EXOC6B: variants seen among roughly 807,000 people sequenced by gnomAD.
EXOC6B encodes the protein exocyst complex component 6B.
EXOC6B carries 54 observed loss-of-function variants against 113.5 expected under a neutral mutation model. That is an observed-to-expected ratio of 0.48 (90% CI 0.38 to 0.60). The LOEUF is 0.60. EXOC6B is among the 20% of genes least tolerant of loss of function. The pLI, the probability that EXOC6B is intolerant of heterozygous loss-of-function variation, is 0.00. For missense variants in EXOC6B, 797 were observed against 977.5 expected (o/e 0.82, Z 2.46); for synonymous variants, 357 against 339.0 (o/e 1.05, Z -0.58).
At chr2:72,501,221 AC>A (rs1466327103) in intron 11 of EXOC6B, among the ~76,000 whole-genome samples, 2 of 152,320 alleles carry the variant, frequency 1.3e-5, no homozygotes, top group African/African-American at 4.8e-5. Flanking sequence ...CAAAGGTAGC[AC>A]CTAGTGGGAG....
At chr2:72,710,016 T>C (rs1267064367) in intron 6 of EXOC6B, among the ~76,000 whole-genome samples, 2 of 152,178 alleles carry the variant, frequency 1.3e-5, no homozygotes, top group Non-Finnish European at 2.9e-5. Context: ...TAGTTGCAAT[T>C]GTTCAATAAG....
intron 20 of EXOC6B, among the ~76,000 whole-genome samples, chr2:72,259,766 T>C (rs76419424): frequency 1.2e-4 from 18 of 152,212 alleles, no homozygotes; most frequent in African/African-American, 4.3e-4. Flanking sequence ...AGTGTAGCAG[T>C]GCGGCCAGGC....
chr2:72,590,734 A>C lies in EXOC6B; in HGVS notation c.670-15066T>G, dbSNP rs551279694. Among the ~76,000 whole-genome samples, 9 of 152,194 alleles carry C rather than the reference A, an allele frequency of 5.9e-5. No individual in the cohort carries two copies. In the East Asian group the frequency reaches 1.5e-3, roughly 26 times the overall value. ...TATATTTTTATGGACCACACTAGAC[A>C]GGTATGATCAGTATCATTACAGGGA... On this transcript the variant is annotated intron_variant, in intron 6 of 21. Transcript: ENST00000272427.
At position 72,401,712 on chromosome 2, in the gene EXOC6B, C is replaced by T. The variant is rs1159776512; in HGVS notation, c.1981-21842G>A. Among the ~76,000 whole-genome samples, 8 of 119,406 alleles carry T rather than the reference C, an allele frequency of 6.7e-5. No homozygotes were observed. In the South Asian group the frequency reaches 2.2e-3, roughly 33 times the overall value. The allele number at this position is 119,406 out of a possible 152,430, so 78.3% of individuals were successfully genotyped here. On this transcript the variant is annotated intron_variant, in intron 18 of 21. Coordinates refer to ENST00000272427, the MANE Select transcript of EXOC6B (RefSeq NM_015189.3). ...GAAAAAGAATGAAATCATGTCTTTT[C>T]CAGCAACATGGATGGAACTAGGGTC...
intron 18 of EXOC6B, among the ~76,000 whole-genome samples, chr2:72,401,606 TA>T (rs1693281181): frequency 4.4e-5 from 1 of 22,694 alleles, no homozygotes; most frequent in Non-Finnish European, 7.1e-5. Context: ...TATATATGTG[TA>T]TATATATATA....
intron 19 of EXOC6B, 117 bp downstream of exon 19, chr2:72,379,612 T>C: frequency 1.1e-6 from 1 of 939,562 alleles, no homozygotes; most frequent in Non-Finnish European, 1.5e-6. Flanking sequence ...CTCTGTTATC[T>C]AGGTATTCTT....
At chr2:72,449,266 T>C (rs1696770397) in intron 18 of EXOC6B, among the ~76,000 whole-genome samples, 1 of 151,964 alleles carries the variant, frequency 6.6e-6, no homozygotes, top group Admixed American at 6.6e-5. Context: ...CGCTGCAAGC[T>C]CTGCCTCCTG....
chr2:72,756,929 G>C (rs1313671512), intron 1 of EXOC6B, among the ~76,000 whole-genome samples: 1 of 152,106 alleles, frequency 6.6e-6, no homozygotes, highest in Non-Finnish European at 1.5e-5. Flanking sequence ...TCAATATAAA[G>C]ATAAATATGT....
chr2:72,599,926 G>T (rs903771531), intron 6 of EXOC6B, among the ~76,000 whole-genome samples: 4 of 151,662 alleles, frequency 2.6e-5, no homozygotes, highest in Non-Finnish European at 5.9e-5. Context: ...GGTATTCCAT[G>T]TTCATTAATA....
chr2:72,336,980 C>A (rs1688728213), intron 19 of EXOC6B, among the ~76,000 whole-genome samples: 2 of 147,070 alleles, frequency 1.4e-5, no homozygotes, highest in Admixed American at 1.4e-4. Context: ...GCACTCCAGC[C>A]TGGGCAACAA....
chr2:72,732,233 CA>C (rs1157369974), intron 3 of EXOC6B, among the ~76,000 whole-genome samples: 2 of 152,132 alleles, frequency 1.3e-5, no homozygotes, highest in Non-Finnish European at 2.9e-5. Context: ...AATGCAACCT[CA>C]AACTCCTGGG....
chr2:72,602,647 T>C (rs867258527), intron 6 of EXOC6B, among the ~76,000 whole-genome samples: 3 of 152,350 alleles, frequency 2.0e-5, no homozygotes, highest in South Asian at 2.1e-4. Context: ...AAATATGCTT[T>C]TGATTATAAA....
intron 8 of EXOC6B, among the ~76,000 whole-genome samples, chr2:72,517,735 G>T (rs1650426084): frequency 6.6e-6 from 1 of 152,098 alleles, no homozygotes; most frequent in South Asian, 2.1e-4. Flanking sequence ...TTGGAGCCAA[G>T]ACACACTTAC....
intron 18 of EXOC6B, among the ~76,000 whole-genome samples, chr2:72,386,429 G>A (rs961124554): frequency 3.3e-5 from 5 of 152,154 alleles, no homozygotes; most frequent in African/African-American, 9.7e-5. Context: ...AAAGGTCTCC[G>A]AGGCAAGTCA....
At chr2:72,439,509 T>C (rs551320506) in intron 18 of EXOC6B, among the ~76,000 whole-genome samples, 1 of 152,326 alleles carries the variant, frequency 6.6e-6, no homozygotes, top group East Asian at 1.9e-4. Flanking sequence ...TGATCTATTC[T>C]GTTATTAATA....
intron 19 of EXOC6B, among the ~76,000 whole-genome samples, chr2:72,338,468 A>G (rs772390195): frequency 6.6e-6 from 1 of 152,084 alleles, no homozygotes. Flanking sequence ...GGCATTGCAA[A>G]CTTATTTATA....
chr2:72,254,434 G>A (rs373254599), intron 20 of EXOC6B, among the ~76,000 whole-genome samples: 2 of 152,172 alleles, frequency 1.3e-5, no homozygotes, highest in East Asian at 1.9e-4. Context: ...GAAGGACAAC[G>A]GCTCTGCCAA....
At chr2:72,752,547 C>T (rs1307334773) in intron 1 of EXOC6B, among the ~76,000 whole-genome samples, 2 of 149,938 alleles carry the variant, frequency 1.3e-5, no homozygotes, top group Non-Finnish European at 3.0e-5. Context: ...TTCTCTCTCT[C>T]ACTCTCTCTC....
At chr2:72,347,259 T>C (rs1273887193) in intron 19 of EXOC6B, among the ~76,000 whole-genome samples, 3 of 152,144 alleles carry the variant, frequency 2.0e-5, no homozygotes, top group Non-Finnish European at 2.9e-5. Flanking sequence ...TCTAGGAAAG[T>C]TGAAGATCTG....
Sources: allele counts gnomAD v4.1 joint callset (sites outside exome capture counted in the v4.1 genomes callset), GRCh38; gene constraint gnomAD v4.1.1; transcripts MANE v1.5; gene names NCBI Gene and HGNC (gene_info 2026-07-23, HGNC 2026-07-21).